ADAMTS18: variants seen among roughly 807,000 people sequenced by gnomAD.
The protein encoded by ADAMTS18 is ADAM metallopeptidase with thrombospondin type 1 motif 18.
A neutral mutation model predicts 165.9 loss-of-function variants in ADAMTS18; 157 were observed. The ratio of observed to expected loss-of-function variants is 0.95; its 90% CI spans 0.83 to 1.08. ADAMTS18 has a LOEUF of 1.08. Ranked by LOEUF, ADAMTS18 falls within the 50% of genes least tolerant of loss-of-function variation. The pLI, the probability that ADAMTS18 is intolerant of heterozygous loss-of-function variation, is 0.00. For missense variants in ADAMTS18, 2,040 were observed against 1,534.0 expected (o/e 1.33, Z -5.51); for synonymous variants, 782 against 578.2 (o/e 1.35, Z -5.06).
chr16:77,347,115 C>T (rs2056488955), intron 10 of ADAMTS18, among the ~76,000 whole-genome samples: 1 of 152,142 alleles, frequency 6.6e-6, no homozygotes, highest in African/African-American at 2.4e-5. Flanking sequence ...TTGTGTGTAT[C>T]AATAGTTCAT....
chr16:77,319,938 C>T lies in ADAMTS18; in HGVS notation c.2443G>A (p.Ala815Thr), dbSNP rs746386082. The change falls in exon 16 of 23, where the codon GCT becomes ACT. Residue 815 changes from alanine (A) to threonine (T), a missense_variant. Physicochemically the swap from Ala to Thr is moderately conservative, Grantham distance 58. Transcript: ENST00000282849. ...SIDWPGEFPF[A>T]GTTFEYQRSF... The stretch of plus-strand genomic sequence containing the variant: ...CGCTGGTATTCAAACGTGGTCCCAG[C>T]GAAGGGGAACTCCCCAGGCCAGTCG... 3 of 1,614,126 alleles carry T rather than the reference C, an allele frequency of 1.9e-6. No homozygotes were observed. The highest frequency in any genetic ancestry group is 1.7e-6 in the Non-Finnish European group (2 of 1,180,018).
intron 16 of ADAMTS18, among the ~76,000 whole-genome samples, chr16:77,305,767 A>C (rs2055670281): frequency 6.6e-6 from 1 of 152,198 alleles, no homozygotes; most frequent in African/African-American, 2.4e-5. Context: ...CAAACCACAG[A>C]CAGCCTCTCC....
chr16:77,297,441 G>A, intron 17 of ADAMTS18, 26 bp from the exon 18 acceptor site: 1 of 1,602,018 alleles, frequency 6.2e-7, no homozygotes, highest in Non-Finnish European at 8.6e-7. Context: ...AAGTGACAAA[G>A]TGAAAATTAC....
intron 7 of ADAMTS18, 83 bp downstream of exon 7, chr16:77,362,022 A>G: frequency 2.1e-6 from 3 of 1,444,242 alleles, no homozygotes; most frequent in Non-Finnish European, 2.9e-6. Context: ...TAAGGAACAT[A>G]AGGGCTATCC....
At chr16:77,403,647 A>T (rs565178031) in intron 3 of ADAMTS18, among the ~76,000 whole-genome samples, 225 of 152,268 alleles carry the variant, frequency 1.5e-3, no homozygotes, top group Middle Eastern at 3.4e-3. Flanking sequence ...CATCTAAATG[A>T]CCTGTGTGTC....
At chr16:77,287,390 C>T (rs933132249) in intron 22 of ADAMTS18, among the ~76,000 whole-genome samples, 20 of 152,164 alleles carry the variant, frequency 1.3e-4, no homozygotes, top group Non-Finnish European at 2.6e-4. Flanking sequence ...ACTTAGTAAA[C>T]TGTAGGCCAC....
At chr16:77,357,628 G>C (rs976505970) in intron 8 of ADAMTS18, among the ~76,000 whole-genome samples, 1 of 152,170 alleles carries the variant, frequency 6.6e-6, no homozygotes, top group Non-Finnish European at 1.5e-5. Flanking sequence ...AACTTACTTA[G>C]AACTTCAGTG....
intron 16 of ADAMTS18, among the ~76,000 whole-genome samples, chr16:77,303,652 G>T (rs2055628021): frequency 6.6e-6 from 1 of 152,046 alleles, no homozygotes; most frequent in African/African-American, 2.4e-5. Context: ...AATGACTTTC[G>T]GGAGGGGGAG....
At position 77,291,443 on chromosome 16, in the gene ADAMTS18, C is replaced by T. The variant is rs1388106945; in HGVS notation, c.3225G>A (p.Arg1075=). 9 of 1,614,074 alleles carry T rather than the reference C, an allele frequency of 5.6e-6. No individual in the cohort carries two copies. Among genetic ancestry groups the T allele is most frequent in the African/African-American group, 2.7e-5 (2 of 74,928 alleles). The change falls in exon 21 of 23, where the codon AGG becomes AGA. Residue 1075 remains arginine (R), a synonymous_variant. Transcript: ENST00000282849. ...AGCCCTTCTCGCTGCACTTCATCTC[C>T]CTCTTCCTCACACCCAAACCACAGG... The part of the protein sequence containing the change: ...SATCGLGVRK[R]EMKCSEKGFQ...
chr16:77,380,938 A>G (rs557516759), intron 3 of ADAMTS18, among the ~76,000 whole-genome samples: 25 of 152,264 alleles, frequency 1.6e-4, no homozygotes, highest in Non-Finnish European at 3.4e-4. Context: ...CAGTGACACG[A>G]TATCAGCTCA....
chr16:77,306,338 A>T (rs1271146947), intron 16 of ADAMTS18, among the ~76,000 whole-genome samples: 1 of 152,188 alleles, frequency 6.6e-6, no homozygotes, highest in African/African-American at 2.4e-5. Flanking sequence ...ACAGCTTCTT[A>T]AGTTGGAAAA....
intron 3 of ADAMTS18, among the ~76,000 whole-genome samples, chr16:77,407,903 G>C (rs948822518): frequency 6.6e-6 from 1 of 152,004 alleles, no homozygotes; most frequent in African/African-American, 2.4e-5. Flanking sequence ...GGAAGCCAGA[G>C]ACTGATAAAT....
At chr16:77,408,620 T>C (rs995341764) in intron 3 of ADAMTS18, among the ~76,000 whole-genome samples, 2 of 152,174 alleles carry the variant, frequency 1.3e-5, no homozygotes, top group Admixed American at 6.5e-5. Flanking sequence ...ACTCTATTGA[T>C]TGCATGTATA....
intron 10 of ADAMTS18, among the ~76,000 whole-genome samples, chr16:77,346,527 T>A (rs2056479417): frequency 6.6e-6 from 1 of 152,202 alleles, no homozygotes; most frequent in African/African-American, 2.4e-5. Context: ...AAAAACTGGA[T>A]AATGAGTTTT....
chr16:77,359,198 TA>T, intron 8 of ADAMTS18, 119 bp downstream of exon 8: 2 of 900,732 alleles, frequency 2.2e-6, no homozygotes, highest in Non-Finnish European at 3.5e-6. Flanking sequence ...GAAACTATTC[TA>T]AGCTTTACAC....
In ADAMTS18 at chr16:77,306,181, C is replaced by G. The variant is rs1246593007; in HGVS notation, c.2533-5777G>C. Reference sequence around the variant, plus strand: ...ATTTTCCAGCCAACTGGCATGGAGTCTCCAATTTACAGCTGGCAAGCAACC... The same window carrying G: ...ATTTTCCAGCCAACTGGCATGGAGTGTCCAATTTACAGCTGGCAAGCAACC... On this transcript the variant is annotated intron_variant, in intron 16 of 22. Coordinates refer to ENST00000282849, the MANE Select transcript of ADAMTS18 (RefSeq NM_199355.4). Among the ~76,000 whole-genome samples the G allele has an allele frequency of 3.3e-5, 5 of 152,324 alleles. No individual in the cohort carries two copies. The East Asian group carries it at 5.8e-4, about 18-fold the overall frequency.
chr16:77,314,753 C>CTTTTATATATATATATATAT (rs1555511655), intron 16 of ADAMTS18, among the ~76,000 whole-genome samples: 1 of 36,902 alleles, frequency 2.7e-5, no homozygotes, highest in Admixed American at 2.7e-4. Context: ...TCTCAGGTTT[C>CTTTTATATATATATATATAT]ATATATATAT....
At chr16:77,304,863 T>C (rs1440048195) in intron 16 of ADAMTS18, among the ~76,000 whole-genome samples, 2 of 152,244 alleles carry the variant, frequency 1.3e-5, no homozygotes, top group African/African-American at 2.4e-5. Context: ...ATATTGTTTA[T>C]AGTTTATTTC....
At chr16:77,408,794 G>A (rs546332621) in intron 3 of ADAMTS18, among the ~76,000 whole-genome samples, 1 of 152,138 alleles carries the variant, frequency 6.6e-6, no homozygotes, top group South Asian at 2.1e-4. Context: ...AGAGGAGTGT[G>A]GCCACTTTCT....
Sources: gnomAD v4.1 joint callset for allele counts (sites outside exome capture counted in the v4.1 genomes callset) on GRCh38, gnomAD v4.1.1 for gene constraint, MANE v1.5 for transcripts, NCBI Gene and HGNC (gene_info 2026-07-23, HGNC 2026-07-21) for gene names.